The following AP4M1 variants were observed in gnomAD, a reference collection of about 807,000 sequenced individuals.
AP4M1 encodes the protein adaptor related protein complex 4 subunit mu 1, also known as AP-4 complex subunit mu-1.
Under a neutral mutation model 62.4 loss-of-function variants are expected in AP4M1, and 58 were observed. The ratio of observed to expected loss-of-function variants is 0.93; its 90% CI spans 0.75 to 1.16. The LOEUF (loss-of-function observed/expected upper bound fraction) is 1.16, where lower values mean the gene tolerates loss of function less well. AP4M1 is among the 50% of genes most tolerant of loss of function. The pLI is 0.00. For synonymous variants in AP4M1, 290 were observed against 239.7 expected (o/e 1.21, Z -1.94); for missense variants, 626 against 585.4 (o/e 1.07, Z -0.72).
chr7:100,103,283 A>G (rs1188081243), intron 4 of AP4M1, 126 bp from the exon 5 acceptor site: 9 of 836,410 alleles, frequency 1.1e-5, no homozygotes, highest in Non-Finnish European at 1.8e-5. Flanking sequence ...GCCTCAAGCC[A>G]TTCTCCTACG....
At position 100,101,861 on chromosome 7, in the gene AP4M1, G is replaced by A; in HGVS notation, c.59-19G>A. On this transcript the variant is annotated intron_variant, in intron 1 of 14. Transcript: ENST00000359593. ...AGCCTGTGTCGCAGGATCCTTCACT[G>A]AGTCCTTCCACCCGCCAGTCCGCGG... 4 of 1,612,866 alleles carry A rather than the reference G, an allele frequency of 2.5e-6. No homozygotes were observed. Among genetic ancestry groups the A allele is most frequent in the Non-Finnish European group, 2.5e-6 (3 of 1,179,846 alleles).
Position 100,106,984 on chromosome 7 carries a change from C to A in AP4M1, c.*102C>A. On this transcript the variant is annotated 3_prime_UTR_variant, in exon 15 of 15. Transcript: ENST00000359593. The stretch of plus-strand genomic sequence containing the variant: ...CTGGCCTTCGGACTCTGAATCTGGG[C>A]AGGAAGAGTCCTCAGTCCCAAGACC... 1 of 1,373,030 alleles carries A rather than the reference C, an allele frequency of 7.3e-7. No individual in the cohort carries two copies. The highest frequency in any genetic ancestry group is 1.0e-6 in the Non-Finnish European group (1 of 998,812). The allele number at this position is 1,373,030 out of a possible 1,614,324, so 85.1% of individuals were successfully genotyped here.
Position 100,108,596 on chromosome 7 carries a change from G to T in AP4M1, c.*1714G>T. The T allele has an allele frequency of 6.5e-7, 1 of 1,541,950 alleles. No individual in the cohort carries two copies. The highest frequency in any genetic ancestry group is 8.8e-7 in the Non-Finnish European group (1 of 1,141,064). The stretch of plus-strand genomic sequence containing the variant: ...GAGGGCTGGGGAAAAAAGCCAGGTA[G>T]AGGGAGGGCTGGTGACACTCTTGAG... On this transcript the variant is annotated 3_prime_UTR_variant, in exon 15 of 15. Transcript: ENST00000359593.
rs1796700358 is a variant in AP4M1, at chr7:100,107,796, C to T, written c.*914C>T. On this transcript the variant is annotated 3_prime_UTR_variant, in exon 15 of 15. Transcript: ENST00000359593. ...CAGGGCAGCTACAGCCCTGCAGGAC[C>T]CTGGTGGGCGCCTCTTCCAGCTCTT... 7.2e-7 allele frequency: 1 copy of T among 1,390,518 alleles called. No individual in the cohort carries two copies. Among genetic ancestry groups the T allele is most frequent in the Non-Finnish European group, 9.6e-7 (1 of 1,038,192 alleles). The allele number at this position is 1,390,518 out of a possible 1,614,324, so 86.1% of individuals were successfully genotyped here.
Position 100,108,725 on chromosome 7 carries a change from G to A in AP4M1, c.*1843G>A. 1.8e-6 allele frequency: 1 copy of A among 562,752 alleles called. No homozygotes were observed. The highest frequency in any genetic ancestry group is 3.0e-6 in the Non-Finnish European group (1 of 333,516). The allele number at this position is 562,752 out of a possible 1,614,324, so 34.9% of individuals were successfully genotyped here. ...TATTAGTGTGTGTACAGAACACTGT[G>A]GGCTTTCTCATAAGAAAAGATGGGC... On this transcript the variant is annotated 3_prime_UTR_variant, in exon 15 of 15. Coordinates refer to ENST00000359593, the MANE Select transcript of AP4M1 (RefSeq NM_004722.4).
Position 100,103,394 on chromosome 7 carries a change from T to G in AP4M1, c.352-15T>G. ...CCTCCACTGATCACTCAGACTGTCC[T>G]TCCTTTACCACTAGGACTATGGCTA... On this transcript the variant is annotated splice_polypyrimidine_tract_variant and intron_variant, in intron 4 of 14. Coordinates refer to ENST00000359593, the MANE Select transcript of AP4M1 (RefSeq NM_004722.4). 2.5e-6 allele frequency: 4 copies of G among 1,609,384 alleles called. No individual in the cohort carries two copies. The highest frequency in any genetic ancestry group is 3.4e-6 in the Non-Finnish European group (4 of 1,175,798).
rs1193422141 is a variant in AP4M1, at chr7:100,106,659, T to TG, written c.1141dup (p.Asp381GlyfsTer147). 1.4e-6 allele frequency: 2 copies of TG among 1,468,000 alleles called. No homozygotes were observed. Among genetic ancestry groups the TG allele is most frequent in the East Asian group, 3.1e-5 (1 of 32,344 alleles). 90.9% of individuals were successfully genotyped at this position (1,468,000 alleles called of 1,614,324 possible). A position where few individuals can be genotyped will look rare whatever the true frequency, so the allele number is the denominator to read the frequency against. On this transcript the variant is annotated frameshift_variant and splice_region_variant, in exon 15 of 15. Transcript: ENST00000359593. LOFTEE classifies it high-confidence loss of function. Reference sequence around the variant, plus strand: ...TCTCCCTGCCTCTGCCCCTCACAGATGGACGTCCCAGGGCCCCCAGGACCT... The same window carrying TG: ...TCTCCCTGCCTCTGCCCCTCACAGATGGGACGTCCCAGGGCCCCCAGGACCT...
rs1796325685 is a variant in AP4M1, at chr7:100,104,800, C to T, written c.607-74C>T. On this transcript the variant is annotated intron_variant, in intron 7 of 14. Coordinates refer to ENST00000359593, the MANE Select transcript of AP4M1 (RefSeq NM_004722.4). ...GAGCCGAGATCACGCCACTGCCAGCCTGGGCGACAGAGCGAGACCGTCTCA... is the reference window on the plus strand; with the variant it reads ...GAGCCGAGATCACGCCACTGCCAGCTTGGGCGACAGAGCGAGACCGTCTCA... The T allele has an allele frequency of 4.5e-6, 7 of 1,566,840 alleles. No homozygotes were observed. In the South Asian group the frequency reaches 6.7e-5, roughly 15 times the overall value.
upstream of AP4M1, chr7:100,101,018 G>A (rs973154234): frequency 2.7e-5 from 21 of 778,130 alleles, no homozygotes; most frequent in Non-Finnish European, 3.3e-5. Context: ...GCGCCCCCAA[G>A]CCCCCAACCC....
At chr7:100,106,052 CA>C (rs1562911272) in intron 12 of AP4M1, 49 bp downstream of exon 12, 2 of 1,603,768 alleles carry the variant, frequency 1.2e-6, no homozygotes, top group Non-Finnish European at 1.7e-6. Context: ...GGACGGAAGA[CA>C]GGGCCAGGGC....
At chr7:100,103,343 G>A (rs1584509755) in intron 4 of AP4M1, 66 bp from the exon 5 acceptor site, 5 of 1,370,112 alleles carry the variant, frequency 3.6e-6, no homozygotes, top group Non-Finnish European at 5.2e-6. Context: ...ACCATGCCTG[G>A]CCCCACTCCC....
In AP4M1 at chr7:100,107,662, C is replaced by T. The variant is rs752087836; in HGVS notation, c.*780C>T. 8.8e-6 allele frequency: 14 copies of T among 1,596,864 alleles called. 1 individual carries two copies. The East Asian group carries it at 3.1e-4, about 36-fold the overall frequency. ...AAAGGCAGGCCGCTTGCCCTGTGCC[C>T]TCCCTGCCCCCCAGAGGCCTGGCGA... On this transcript the variant is annotated 3_prime_UTR_variant, in exon 15 of 15. Transcript: ENST00000359593.
At chr7:100,103,095 A>AGGGTCTTGCT in intron 4 of AP4M1, 135 bp downstream of exon 4, 1 of 770,706 alleles carries the variant, frequency 1.3e-6, no homozygotes, top group Non-Finnish European at 2.1e-6. Flanking sequence ...TTTTAGAGAC[A>AGGGTCTTGCT]GGGTCTTGCT....
chr7:100,104,774 T>G, intron 7 of AP4M1, 100 bp from the exon 8 acceptor site: 1 of 1,344,676 alleles, frequency 7.4e-7, no homozygotes, highest in Non-Finnish European at 1.1e-6. Context: ...GAGGTTGCAG[T>G]GAGCCGAGAT....
rs1796234752 is a variant in AP4M1, at chr7:100,103,603, G to A, written c.463-9G>A. On this transcript the variant is annotated splice_polypyrimidine_tract_variant and intron_variant, in intron 5 of 14. Coordinates refer to ENST00000359593, the MANE Select transcript of AP4M1 (RefSeq NM_004722.4). ...GACCTGATGATTGATTGCTTTGGATGCTTTACAGTTTGGGGCTGAGACACA... is the reference window on the plus strand; with the variant it reads ...GACCTGATGATTGATTGCTTTGGATACTTTACAGTTTGGGGCTGAGACACA... 1.2e-6 allele frequency: 2 copies of A among 1,613,992 alleles called. No homozygotes were observed. Among genetic ancestry groups the A allele is most frequent in the Non-Finnish European group, 1.7e-6 (2 of 1,180,034 alleles).
rs781176500 is a variant in AP4M1, at chr7:100,101,692, C to T, written c.-23C>T. ...GGGCAGGCCCGACTTTCGCCGTCTT[C>T]TTGTCTACTCTCCAGAACGGCCATG... On this transcript the variant is annotated 5_prime_UTR_variant, in exon 1 of 15. Transcript: ENST00000359593. 3.1e-6 allele frequency: 5 copies of T among 1,610,966 alleles called. No individual in the cohort carries two copies. Among genetic ancestry groups the T allele is most frequent in the Middle Eastern group, 1.7e-4 (1 of 5,778 alleles).
intron 8 of AP4M1, 37 bp downstream of exon 8, chr7:100,104,977 A>C (rs878997437): frequency 3.1e-6 from 5 of 1,612,840 alleles, no homozygotes; most frequent in Non-Finnish European, 4.2e-6. Flanking sequence ...GGTTGGGGTT[A>C]GGGCGGGTTC....
chr7:100,102,096 T>C, intron 2 of AP4M1, 128 bp downstream of exon 2: 1 of 1,092,842 alleles, frequency 9.2e-7, no homozygotes, highest in Non-Finnish European at 1.4e-6. Context: ...AAAGCTAACG[T>C]GAGGCCCGGC....
chr7:100,105,380 A>G (rs766467478), intron 10 of AP4M1, 34 bp downstream of exon 10: 3 of 1,613,108 alleles, frequency 1.9e-6, no homozygotes, highest in East Asian at 2.2e-5. Flanking sequence ...AATTCCGTCC[A>G]CCATGGGGAA....
Sources: gnomAD v4.1 joint callset for allele counts on GRCh38, gnomAD v4.1.1 for gene constraint, MANE v1.5 for transcripts, NCBI Gene and HGNC (gene_info 2026-07-23, HGNC 2026-07-21) for gene names.